Variants in TBC1D22B observed in about 807,000 individuals in gnomAD.
TBC1D22B encodes TBC1 domain family member 22B, also known as chromosome 6 open reading frame 197.
Under a neutral mutation model 69.1 loss-of-function variants are expected in TBC1D22B, and 32 were observed. The ratio of observed to expected loss-of-function variants is 0.46; its 90% CI spans 0.35 to 0.62. The LOEUF is 0.62. Among genes scored for constraint, TBC1D22B ranks in the 20% least tolerant of loss-of-function variants. TBC1D22B has a pLI of 0.00. For synonymous variants in TBC1D22B, 206 were observed against 229.8 expected (o/e 0.90, Z 0.94); for missense variants, 462 against 630.9 (o/e 0.73, Z 2.87).
At chr6:37,261,296 G>A (rs904235159) in intron 1 of TBC1D22B, among the ~76,000 whole-genome samples, 52 of 152,072 alleles carry the variant, frequency 3.4e-4, no homozygotes, top group African/African-American at 1.2e-3. Flanking sequence ...GCTGGGCTTG[G>A]TGGTGTGTGC....
Position 37,269,640 on chromosome 6 carries a change from C to T in TBC1D22B, c.103C>T (p.Leu35Phe). The T allele has an allele frequency of 6.2e-7, 1 of 1,614,122 alleles. No homozygotes were observed. The highest frequency in any genetic ancestry group is 8.5e-7 in the Non-Finnish European group (1 of 1,180,004). The change falls in exon 2 of 13, where the codon CTC (leucine) becomes TTC (phenylalanine). Residue 35 changes from leucine (L) to phenylalanine (F), a missense_variant. Transcript: ENST00000373491. ...GAQHPPLDPR[L>F]TKNFIKERSK... ...ACAGCATCCTCCTCTTGACCCACGG[C>T]TCACCAAAAAGTAAGTCAAGACATT... is the stretch of plus-strand genomic sequence containing the variant.
intron 3 of TBC1D22B, among the ~76,000 whole-genome samples, chr6:37,280,957 C>T (rs61175584): frequency 0.032 from 4,790 of 152,006 alleles, 235 homozygotes; most frequent in African/African-American, 0.11. Flanking sequence ...ATTTTCTAGT[C>T]CCCTCGTTAC....
chr6:37,272,537 G>A (rs374339667), intron 2 of TBC1D22B, among the ~76,000 whole-genome samples: 4 of 151,980 alleles, frequency 2.6e-5, no homozygotes, highest in Admixed American at 1.3e-4. Flanking sequence ...ACAGGCATGG[G>A]CCACCATGCC....
At chr6:37,297,508 A>G (rs1346754347) in intron 8 of TBC1D22B, among the ~76,000 whole-genome samples, 3 of 152,216 alleles carry the variant, frequency 2.0e-5, no homozygotes, top group Non-Finnish European at 4.4e-5. Flanking sequence ...CAGGGGTCTA[A>G]TGAGCTTCTT....
At position 37,320,152 on chromosome 6, in the gene TBC1D22B, A is replaced by G. The variant is rs183231988; in HGVS notation, c.1389+2946A>G. Reference sequence around the variant, plus strand: ...ACTTGAAGAACAGGGAAAAAGAGCCAGATATAAAGGGAGCCAGTAAGGGGT... The same window carrying G: ...ACTTGAAGAACAGGGAAAAAGAGCCGGATATAAAGGGAGCCAGTAAGGGGT... On this transcript the variant is annotated intron_variant, in intron 12 of 12. Transcript: ENST00000373491. Among the ~76,000 whole-genome samples the G allele has an allele frequency of 2.7e-3, 412 of 152,334 alleles. 1 individual carries two copies. Among genetic ancestry groups the G allele is most frequent in the Non-Finnish European group, 5.0e-3 (340 of 68,014 alleles).
In TBC1D22B at chr6:37,275,592, G is replaced by GT. The variant is rs796744738; in HGVS notation, c.114-3711dup. On this transcript the variant is annotated intron_variant, in intron 2 of 12. Transcript: ENST00000373491. ...ACCTCACTGCCTGCTCATGATCTCAGTAGGCTTCAGTTCCCTCATCTGTAA... is the reference window on the plus strand; with the variant it reads ...ACCTCACTGCCTGCTCATGATCTCAGTTAGGCTTCAGTTCCCTCATCTGTAA... Among the ~76,000 whole-genome samples the GT allele has an allele frequency of 6.6e-5, 10 of 152,278 alleles. No individual in the cohort carries two copies. The South Asian group carries it at 2.1e-3, about 32-fold the overall frequency.
intron 8 of TBC1D22B, among the ~76,000 whole-genome samples, chr6:37,303,195 T>C (rs911706896): frequency 6.6e-6 from 1 of 152,136 alleles, no homozygotes; most frequent in Non-Finnish European, 1.5e-5. Context: ...CACTTAGGGG[T>C]CCTGTCACCA....
chr6:37,321,342 A>G (rs1354423228), intron 12 of TBC1D22B, among the ~76,000 whole-genome samples: 1 of 152,060 alleles, frequency 6.6e-6, no homozygotes, highest in Non-Finnish European at 1.5e-5. Flanking sequence ...CTAAACTTAC[A>G]TGGTGGCTGT....
chr6:37,287,280 G>A (rs777454967), intron 7 of TBC1D22B, among the ~76,000 whole-genome samples: 4 of 152,190 alleles, frequency 2.6e-5, no homozygotes, highest in African/African-American at 4.8e-5. Context: ...AACTTGCTCA[G>A]AATTTTGAGG....
intron 8 of TBC1D22B, among the ~76,000 whole-genome samples, chr6:37,304,271 CA>C (rs1767646160): frequency 1.3e-5 from 2 of 152,320 alleles, no homozygotes; most frequent in South Asian, 4.1e-4. Flanking sequence ...ACGAAGTAGA[CA>C]AAAACCCTGC....
At chr6:37,296,975 C>T (rs145879350) in intron 8 of TBC1D22B, among the ~76,000 whole-genome samples, 75 of 152,152 alleles carry the variant, frequency 4.9e-4, no homozygotes, top group African/African-American at 1.7e-3. Flanking sequence ...TATAGCCTTG[C>T]ACCACCATGC....
Position 37,257,850 on chromosome 6 carries a change from C to A in TBC1D22B, c.-68C>A. The A allele has an allele frequency of 6.4e-7, 1 of 1,553,750 alleles. No homozygotes were observed. Among genetic ancestry groups the A allele is most frequent in the South Asian group, 1.2e-5 (1 of 85,624 alleles). Reference sequence around the variant, plus strand: ...GCGGCCTGGGTTGGCCCTCAGATTGCGGGGTCTGGGGGCATCTCGCCGGGC... The same window carrying A: ...GCGGCCTGGGTTGGCCCTCAGATTGAGGGGTCTGGGGGCATCTCGCCGGGC... On this transcript the variant is annotated 5_prime_UTR_variant, in exon 1 of 13. Coordinates refer to ENST00000373491, the MANE Select transcript of TBC1D22B (RefSeq NM_017772.4).
chr6:37,327,395 G>A lies in TBC1D22B; in HGVS notation c.1390-3649G>A, dbSNP rs1047098452. Among the ~76,000 whole-genome samples, 4 of 117,470 alleles carry A rather than the reference G, an allele frequency of 3.4e-5. 1 individual carries two copies. Among genetic ancestry groups the A allele is most frequent in the African/African-American group, 7.3e-5 (2 of 27,234 alleles). 77.1% of individuals were successfully genotyped at this position (117,470 alleles called of 152,430 possible). A position where few individuals can be genotyped will look rare whatever the true frequency, so the allele number is the denominator to read the frequency against. ...CGGGAGGCTGAGGCAGGAGAATGGC[G>A]TGAACCCGGGAGGCGGAGCTTGCAG... is the stretch of plus-strand genomic sequence containing the variant. On this transcript the variant is annotated intron_variant, in intron 12 of 12. Transcript: ENST00000373491.
At chr6:37,261,769 T>C (rs1229218659) in intron 1 of TBC1D22B, among the ~76,000 whole-genome samples, 1 of 151,848 alleles carries the variant, frequency 6.6e-6, no homozygotes, top group Non-Finnish European at 1.5e-5. Flanking sequence ...GTGTGGTGGC[T>C]CACACCTGTA....
intron 8 of TBC1D22B, among the ~76,000 whole-genome samples, chr6:37,303,597 C>G (rs1213624998): frequency 6.6e-6 from 1 of 152,194 alleles, no homozygotes; most frequent in Non-Finnish European, 1.5e-5. Context: ...TGACAAAAAT[C>G]CTTCCTTAGC....
intron 11 of TBC1D22B, 52 bp downstream of exon 11, chr6:37,316,882 G>A: frequency 6.2e-7 from 1 of 1,611,302 alleles, no homozygotes; most frequent in Non-Finnish European, 8.5e-7. Context: ...GAGGTGTCCA[G>A]CTCTCTGCCA....
intron 12 of TBC1D22B, among the ~76,000 whole-genome samples, chr6:37,325,807 C>T (rs1037568166): frequency 1.3e-5 from 2 of 152,148 alleles, no homozygotes; most frequent in African/African-American, 2.4e-5. Context: ...AACTCTGCCT[C>T]CCAAAGTGAG....
chr6:37,282,803 A>T, intron 4 of TBC1D22B, 79 bp from the exon 5 acceptor site: 1 of 1,343,296 alleles, frequency 7.4e-7, no homozygotes, highest in Non-Finnish European at 1.1e-6. Flanking sequence ...ATGGAAGGAG[A>T]CATCAGGCAG....
chr6:37,260,407 A>G (rs1766047416), intron 1 of TBC1D22B, among the ~76,000 whole-genome samples: 1 of 152,250 alleles, frequency 6.6e-6, no homozygotes, highest in African/African-American at 2.4e-5. Context: ...AGTGACAACA[A>G]ATAGAAATTT....
Sources: allele counts gnomAD v4.1 joint callset (sites outside exome capture counted in the v4.1 genomes callset), GRCh38; gene constraint gnomAD v4.1.1; transcripts MANE v1.5; gene names NCBI Gene and HGNC (gene_info 2026-07-23, HGNC 2026-07-21).